The following MIB1 variants were observed in gnomAD, a reference collection of about 807,000 sequenced individuals.
MIB1 encodes E3 ubiquitin-protein ligase MIB1.
A neutral mutation model predicts 124.5 loss-of-function variants in MIB1; 278 were observed. That is an observed-to-expected ratio of 2.23 (90% confidence interval 2.02 to 2.47). MIB1 has a LOEUF of 2.47. MIB1 is among the 30% of genes most tolerant of loss of function. The pLI is 0.00. For missense variants in MIB1, 957 were observed against 1,254.4 expected (o/e 0.76, Z 3.58); for synonymous variants, 446 against 429.4 (o/e 1.04, Z -0.48).
chr18:21,778,509 TA>T (rs2041318960), intron 5 of MIB1, among the ~76,000 whole-genome samples: 1 of 152,206 alleles, frequency 6.6e-6, no homozygotes, highest in African/African-American at 2.4e-5. Flanking sequence ...CTTTTGTGCT[TA>T]AAAATTCCTT....
At chr18:21,785,456 G>C (rs1424035316) in intron 6 of MIB1, among the ~76,000 whole-genome samples, 1 of 152,116 alleles carries the variant, frequency 6.6e-6, no homozygotes, top group African/African-American at 2.4e-5. Flanking sequence ...AACAGGTGAC[G>C]TCTTAACTTT....
At chr18:21,840,046 C>T (rs2042068581) in intron 13 of MIB1, among the ~76,000 whole-genome samples, 1 of 152,034 alleles carries the variant, frequency 6.6e-6, no homozygotes, top group African/African-American at 2.4e-5. Flanking sequence ...AGAGCGAGAC[C>T]CAGTCAATCA....
intron 6 of MIB1, among the ~76,000 whole-genome samples, chr18:21,786,677 C>T (rs1469218975): frequency 6.6e-6 from 1 of 152,030 alleles, no homozygotes; most frequent in Non-Finnish European, 1.5e-5. Context: ...AGCTTATATC[C>T]AGTCCCACTG....
chr18:21,856,693 G>A (rs111808532), intron 18 of MIB1, among the ~76,000 whole-genome samples: 4 of 152,094 alleles, frequency 2.6e-5, no homozygotes, highest in African/African-American at 4.8e-5. Context: ...AAACCTGCAC[G>A]TTCCGCACAT....
chr18:21,868,022 C>T lies in MIB1; in HGVS notation c.*3356C>T, dbSNP rs2042332221. On this transcript the variant is annotated 3_prime_UTR_variant, in exon 21 of 21. Transcript: ENST00000261537. ...TTTAATACAGGTTGCTTTTTTTAAT[C>T]CAAAAGGAAAAGCACTTATCCTATC... is the stretch of plus-strand genomic sequence containing the variant. 1 of 151,386 alleles carries T rather than the reference C, an allele frequency of 6.6e-6. No individual in the cohort carries two copies. Among genetic ancestry groups the T allele is most frequent in the Non-Finnish European group, 1.5e-5 (1 of 67,792 alleles). 9.4% of individuals were successfully genotyped at this position (151,386 alleles called of 1,614,324 possible).
chr18:21,762,558 C>G (rs983426082), intron 1 of MIB1, among the ~76,000 whole-genome samples: 1 of 152,020 alleles, frequency 6.6e-6, no homozygotes, highest in African/African-American at 2.4e-5. Flanking sequence ...TGGGATTAGC[C>G]TTTGTGGTTT....
In MIB1 at chr18:21,858,650, A is replaced by T. The variant is rs1415402817; in HGVS notation, c.2880+4A>T. On this transcript the variant is annotated splice_donor_region_variant and intron_variant, in intron 20 of 20. Coordinates refer to ENST00000261537, the MANE Select transcript of MIB1 (RefSeq NM_020774.4). Reference sequence around the variant, plus strand: ...GTTACAAGACATTAAAGAGCAGGTAATAATGATTTCATGTAAACAGTGATG... The same window carrying T: ...GTTACAAGACATTAAAGAGCAGGTATTAATGATTTCATGTAAACAGTGATG... 6.8e-7 allele frequency: 1 copy of T among 1,471,932 alleles called. No individual in the cohort carries two copies. The highest frequency in any genetic ancestry group is 2.3e-5 in the East Asian group (1 of 44,164). 91.2% of individuals were successfully genotyped at this position (1,471,932 alleles called of 1,614,324 possible).
intron 20 of MIB1, among the ~76,000 whole-genome samples, chr18:21,860,127 G>GTTTTTTTTTTTTT (rs2042264574): frequency 3.7e-5 from 1 of 27,212 alleles, no homozygotes; most frequent in African/African-American, 4.4e-4. Flanking sequence ...TTTTTTTTTA[G>GTTTTTTTTTTTTT]AGTCTCACTC....
At chr18:21,751,265 GTTATTA>G (rs1055842333) in intron 1 of MIB1, among the ~76,000 whole-genome samples, 3 of 151,950 alleles carry the variant, frequency 2.0e-5, no homozygotes, top group Non-Finnish European at 4.4e-5. Flanking sequence ...AAACGTCACA[GTTATTA>G]TTATTATTTT....
chr18:21,805,236 C>A (rs960375078), intron 10 of MIB1, among the ~76,000 whole-genome samples: 1 of 152,198 alleles, frequency 6.6e-6, no homozygotes, highest in African/African-American at 2.4e-5. Context: ...TGGTCTCGAG[C>A]TCCTGACCTC....
chr18:21,733,141 T>G (rs1404321483), intron 1 of MIB1, among the ~76,000 whole-genome samples: 1 of 152,196 alleles, frequency 6.6e-6, no homozygotes, highest in Non-Finnish European at 1.5e-5. Context: ...AGAAAATGCT[T>G]CAGGGGCTTG....
At chr18:21,852,927 T>C (rs1001187886) in intron 17 of MIB1, among the ~76,000 whole-genome samples, 1 of 152,106 alleles carries the variant, frequency 6.6e-6, no homozygotes, top group Non-Finnish European at 1.5e-5. Context: ...GAGATGAAGG[T>C]AGAATAGAAA....
In MIB1 at chr18:21,858,631, A is replaced by G. The variant is rs780335651; in HGVS notation, c.2865A>G (p.Gln955=). 1 of 1,555,856 alleles carries G rather than the reference A, an allele frequency of 6.4e-7. No individual in the cohort carries two copies. Among genetic ancestry groups the G allele is most frequent in the Non-Finnish European group, 8.9e-7 (1 of 1,127,310 alleles). Residue 955 remains glutamine, a synonymous_variant, in exon 20 of 21, where the codon CAA becomes CAG. Transcript: ENST00000261537. ...TGCAAAAGTTGCAGCAACAGTTACAAGACATTAAAGAGCAGGTAATAATGA... is the reference window on the plus strand; with the variant it reads ...TGCAAAAGTTGCAGCAACAGTTACAGGACATTAAAGAGCAGGTAATAATGA... The part of the protein sequence containing the change: ...ADVQKLQQQL[Q]DIKEQTMCPV...
chr18:21,853,329 G>A lies in MIB1; in HGVS notation c.2665+111G>A, dbSNP rs552116526. The A allele has an allele frequency of 1.6e-5, 12 of 727,532 alleles. No homozygotes were observed. In the East Asian group the frequency reaches 2.7e-4, roughly 16 times the overall value. 45.1% of individuals were successfully genotyped at this position (727,532 alleles called of 1,614,324 possible). A position where few individuals can be genotyped will look rare whatever the true frequency, so the allele number is the denominator to read the frequency against. ...TTGATTTTGGATAACTCATAAAAAA[G>A]TTGATGGGCCTCGAGTACCTTCTAT... is the stretch of plus-strand genomic sequence containing the variant. On this transcript the variant is annotated intron_variant, in intron 18 of 20. Transcript: ENST00000261537.
chr18:21,836,437 T>C (rs183431388), intron 12 of MIB1, among the ~76,000 whole-genome samples: 5 of 152,262 alleles, frequency 3.3e-5, no homozygotes, highest in African/African-American at 1.2e-4. Context: ...TTAAGTCAAA[T>C]GTTACTACAA....
At chr18:21,739,976 A>T (rs1220732223), upstream of MIB1, among the ~76,000 whole-genome samples, 1 of 152,030 alleles carries the variant, frequency 6.6e-6, no homozygotes, top group South Asian at 2.1e-4. Flanking sequence ...TTATTTCAGT[A>T]CATAGTAATT....
At chr18:21,793,048 T>C (rs141231752) in intron 7 of MIB1, among the ~76,000 whole-genome samples, 25 of 152,326 alleles carry the variant, frequency 1.6e-4, no homozygotes, top group African/African-American at 5.5e-4. Context: ...CTGACAGCTA[T>C]TGAGTCTGCA....
At chr18:21,852,623 G>T (rs967920431) in intron 17 of MIB1, among the ~76,000 whole-genome samples, 1 of 152,142 alleles carries the variant, frequency 6.6e-6, no homozygotes, top group African/African-American at 2.4e-5. Flanking sequence ...TGGGCTTCAG[G>T]CAGCATGGGA....
chr18:21,835,736 C>T (rs541541565), intron 12 of MIB1, among the ~76,000 whole-genome samples: 10 of 148,572 alleles, frequency 6.7e-5, no homozygotes, highest in African/African-American at 2.5e-4. Flanking sequence ...AGCTACTGCA[C>T]TCCAGCCTGG....
Sources: gnomAD v4.1 joint callset for allele counts (sites outside exome capture counted in the v4.1 genomes callset) on GRCh38, gnomAD v4.1.1 for gene constraint, MANE v1.5 for transcripts, NCBI Gene and HGNC (gene_info 2026-07-23, HGNC 2026-07-21) for gene names.